Variants in AREG observed in about 807,000 individuals in gnomAD.
The protein encoded by AREG is amphiregulin B.
A neutral mutation model predicts 28.0 loss-of-function variants in AREG; 16 were observed. The ratio of observed to expected loss-of-function variants is 0.57; its 90% CI spans 0.39 to 0.87. The LOEUF (loss-of-function observed/expected upper bound fraction) is 0.87. Ranked by LOEUF, AREG falls within the 40% of genes least tolerant of loss-of-function variation. The pLI, the probability that AREG is intolerant of heterozygous loss-of-function variation, is 0.00. For synonymous variants in AREG, 113 were observed against 113.5 expected (o/e 1.00, Z 0.02); for missense variants, 287 against 309.1 (o/e 0.93, Z 0.53).
chr4:74,449,622 C>T (rs1719347934), intron 3 of AREG, among the ~76,000 whole-genome samples: 1 of 152,102 alleles, frequency 6.6e-6, no homozygotes, highest in African/African-American at 2.4e-5. Flanking sequence ...ACAATGGTGA[C>T]AGCCTGTAGT....
In AREG at chr4:74,452,620, G is replaced by A. The variant is rs1719397728; in HGVS notation, c.742G>A (p.Val248Ile). Residue 248 changes from valine (V) to isoleucine (I), a missense_variant, in exon 5 of 6, where the codon GTA (valine) becomes ATA (isoleucine). Val to Ile is a conservative substitution (Grantham distance 29). Transcript: ENST00000395748. ...RKKLRQENGN[V>I]HAIA The stretch of plus-strand genomic sequence containing the variant: ...GAAACTTCGACAAGAGAATGGAAAT[G>A]TACATGCTATAGCATAACTGAAGAT... 2 of 1,613,476 alleles carry A rather than the reference G, an allele frequency of 1.2e-6. No individual in the cohort carries two copies. Among genetic ancestry groups the A allele is most frequent in the South Asian group, 1.1e-5 (1 of 91,056 alleles).
rs750666473 is a variant in AREG at position 74,445,352 on chromosome 4, G to A, written c.7G>A (p.Ala3Thr). 21 of 1,610,448 alleles carry A rather than the reference G, an allele frequency of 1.3e-5. No homozygotes were observed. Among genetic ancestry groups the A allele is most frequent in the Non-Finnish European group, 1.7e-5 (20 of 1,179,422 alleles). Residue 3 changes from alanine (A) to threonine (T), a missense_variant, in exon 1 of 6, where the codon GCC becomes ACC. Transcript: ENST00000395748. The stretch of plus-strand genomic sequence containing the variant: ...CCGCCGCTGCGAAGGACCAATGAGA[G>A]CCCCGCTGCTACCGCCGGCGCCGGT... Reference protein sequence around the residue: MRAPLLPPAPVVL... With the variant: MRTPLLPPAPVVL...
Position 74,449,160 on chromosome 4 carries a change from A to C in AREG, c.424A>C (p.Lys142Gln). The C allele has an allele frequency of 6.2e-7, 1 of 1,613,134 alleles. No homozygotes were observed. The highest frequency in any genetic ancestry group is 8.5e-7 in the Non-Finnish European group (1 of 1,179,750). Residue 142 changes from lysine (K) to glutamine (Q), a missense_variant, in exon 3 of 6, where the codon AAG becomes CAG. Transcript: ENST00000395748. ...TGGAAAAAATAGAAGAAACAGAAAG[A>C]AGAAAAATCCATGTAATGCAGAATT... is the stretch of plus-strand genomic sequence containing the variant. Reference protein sequence around the residue: ...KNGKNRRNRKKKNPCNAEFQN... With the variant: ...KNGKNRRNRKQKNPCNAEFQN...
At chr4:74,445,508 C>T (rs1201848925) in intron 1 of AREG, 102 bp downstream of exon 1, 1 of 1,539,770 alleles carries the variant, frequency 6.5e-7, no homozygotes, top group Non-Finnish European at 8.8e-7. Context: ...TTTAGTTCCC[C>T]CGACCCTGCG....
rs747434597 is a variant in AREG at position 74,446,581 on chromosome 4, C to T, written c.109C>T (p.Arg37Cys). Reference sequence around the variant, plus strand: ...CCTCAATGACACCTACTCTGGGAAGCGTGAACCATTTTCTGGGGACCACAG... The same window carrying T: ...CCTCAATGACACCTACTCTGGGAAGTGTGAACCATTTTCTGGGGACCACAG... ...LDLNDTYSGKREPFSGDHSAD... is the reference protein window; with the variant it reads ...LDLNDTYSGKCEPFSGDHSAD... The change falls in exon 2 of 6, where the codon CGT (arginine) becomes TGT (cysteine). Residue 37 changes from arginine to cysteine, a missense_variant. Arg to Cys is a radical substitution (Grantham distance 180). Coordinates refer to ENST00000395748, the MANE Select transcript of AREG (RefSeq NM_001657.4). The T allele has an allele frequency of 1.9e-6, 3 of 1,613,954 alleles. No individual in the cohort carries two copies. Among genetic ancestry groups the T allele is most frequent in the South Asian group, 2.2e-5 (2 of 91,074 alleles).
chr4:74,449,286 A>G, intron 3 of AREG, 38 bp downstream of exon 3: 1 of 1,613,186 alleles, frequency 6.2e-7, no homozygotes. Flanking sequence ...TTGTATTTCT[A>G]GCACCATGTC....
At position 74,449,122 on chromosome 4, in the gene AREG, A is replaced by G. The variant is rs774296008; in HGVS notation, c.386A>G (p.Lys129Arg). 1 of 1,612,546 alleles carries G rather than the reference A, an allele frequency of 6.2e-7. No individual in the cohort carries two copies. Among genetic ancestry groups the G allele is most frequent in the East Asian group, 2.2e-5 (1 of 44,792 alleles). ...TCAGATAAACCCAAAAGAAAGAAAA[A>G]GGGAGGCAAAAATGGAAAAAATAGA... The part of the protein sequence containing the change: ...NTSDKPKRKK[K>R]GGKNGKNRRN... Residue 129 changes from lysine (K) to arginine (R), a missense_variant, in exon 3 of 6, where the codon AAG (lysine) becomes AGG (arginine). By Grantham distance (26) the Lys-to-Arg change is conservative (BLOSUM62 2). Coordinates refer to ENST00000395748, the MANE Select transcript of AREG (RefSeq NM_001657.4).
At position 74,449,242 on chromosome 4, in the gene AREG, C is replaced by T; in HGVS notation, c.506C>T (p.Thr169Ile). The T allele has an allele frequency of 1.2e-6, 2 of 1,613,520 alleles. No homozygotes were observed. Among genetic ancestry groups the T allele is most frequent in the Admixed American group, 3.3e-5 (2 of 59,948 alleles). The change falls in exon 3 of 6, where the codon ACA becomes ATA. Residue 169 changes from threonine to isoleucine, a missense_variant. Transcript: ENST00000395748. The stretch of plus-strand genomic sequence containing the variant: ...TATATAGAGCACCTGGAAGCAGTAA[C>T]ATGCAAGTAAGTTTTCCTAAAGCAT... ...CKYIEHLEAV[T>I]CKCQQEYFGE... is the part of the protein sequence containing the mutation.
At chr4:74,445,507 C>G (rs1265413581) in intron 1 of AREG, 101 bp downstream of exon 1, 2 of 1,539,926 alleles carry the variant, frequency 1.3e-6, no homozygotes, top group African/African-American at 1.4e-5. Flanking sequence ...CTTTAGTTCC[C>G]CCGACCCTGC....
At position 74,446,799 on chromosome 4, in the gene AREG, G is replaced by A. The variant is rs779730353; in HGVS notation, c.310+17G>A. 3.7e-6 allele frequency: 6 copies of A among 1,613,822 alleles called. No homozygotes were observed. In the Admixed American group the frequency reaches 5.0e-5, roughly 13 times the overall value. On this transcript the variant is annotated intron_variant, in intron 2 of 5. Coordinates refer to ENST00000395748, the MANE Select transcript of AREG (RefSeq NM_001657.4). Reference sequence around the variant, plus strand: ...CAGTCAGAGGTGAGTAGGGGATAAAGCAAAAATATGGCCTGTGAGATGTGG... The same window carrying A: ...CAGTCAGAGGTGAGTAGGGGATAAAACAAAAATATGGCCTGTGAGATGTGG...
Position 74,445,394 on chromosome 4 carries a change from A to C in AREG, c.49A>C (p.Ile17Leu). Residue 17 changes from isoleucine to leucine, a missense_variant, in exon 1 of 6, where the codon ATA (isoleucine) becomes CTA (leucine). Coordinates refer to ENST00000395748, the MANE Select transcript of AREG (RefSeq NM_001657.4). ...GGCGCCGGTGGTGCTGTCGCTCTTGATACTCGGCTCAGGTGAGGATTCACC... is the reference window on the plus strand; with the variant it reads ...GGCGCCGGTGGTGCTGTCGCTCTTGCTACTCGGCTCAGGTGAGGATTCACC... ...PPAPVVLSLL[I>L]LGSGHYAAGL... 6.2e-7 allele frequency: 1 copy of C among 1,610,252 alleles called. No individual in the cohort carries two copies. The highest frequency in any genetic ancestry group is 1.1e-5 in the South Asian group (1 of 89,982).
chr4:74,448,490 A>G (rs1719327421), intron 2 of AREG: 1 of 152,636 alleles, frequency 6.6e-6, no homozygotes, highest in Non-Finnish European at 1.5e-5. Flanking sequence ...CTAAATATTC[A>G]CTTGGATAAA....
chr4:74,448,983 C>G (rs1371723207), intron 2 of AREG, 64 bp from the exon 3 acceptor site: 28 of 1,595,816 alleles, frequency 1.8e-5, no homozygotes, highest in Non-Finnish European at 2.4e-5. Flanking sequence ...ACATCTTTCT[C>G]TCATGTCTCT....
intron 4 of AREG, among the ~76,000 whole-genome samples, chr4:74,451,932 G>A (rs1433426194): frequency 6.6e-6 from 1 of 151,866 alleles, no homozygotes; most frequent in Non-Finnish European, 1.5e-5. Context: ...TCATAATTGA[G>A]GTGAGTTTTT....
chr4:74,445,554 A>C, intron 1 of AREG, 148 bp downstream of exon 1: 1 of 1,458,574 alleles, frequency 6.9e-7, no homozygotes, highest in South Asian at 1.4e-5. Flanking sequence ...CCTCCCTAGG[A>C]GGAAAAGAGA....
At chr4:74,451,754 T>G (rs900796385) in intron 4 of AREG, among the ~76,000 whole-genome samples, 1 of 143,594 alleles carries the variant, frequency 7.0e-6, no homozygotes, top group East Asian at 2.0e-4. Flanking sequence ...CTTGTAATTA[T>G]TTGACTTGAA....
intron 2 of AREG, among the ~76,000 whole-genome samples, chr4:74,448,382 C>T (rs1180208675): frequency 1.3e-5 from 2 of 152,024 alleles, no homozygotes; most frequent in African/African-American, 2.4e-5. Flanking sequence ...TCTTTGATAC[C>T]CTAGTTGACC....
chr4:74,446,310 G>A (rs1719285777), intron 1 of AREG, among the ~76,000 whole-genome samples: 1 of 152,160 alleles, frequency 6.6e-6, no homozygotes, highest in African/African-American at 2.4e-5. Flanking sequence ...GATTATCTGT[G>A]GAAAAGAAAA....
In AREG at chr4:74,446,642, T is replaced by A. The variant is rs1719293195; in HGVS notation, c.170T>A (p.Met57Lys). Residue 57 changes from methionine (M) to lysine (K), a missense_variant, in exon 2 of 6, where the codon ATG becomes AAG. Transcript: ENST00000395748. ...TTTGAGGTTACCTCAAGAAGTGAGA[T>A]GTCTTCAGGGAGTGAGATTTCCCCT... Reference protein sequence around the residue: ...DGFEVTSRSEMSSGSEISPVS... With the variant: ...DGFEVTSRSEKSSGSEISPVS... The A allele has an allele frequency of 6.2e-7, 1 of 1,613,856 alleles. No individual in the cohort carries two copies. Among genetic ancestry groups the A allele is most frequent in the Non-Finnish European group, 8.5e-7 (1 of 1,179,876 alleles).
Sources: gnomAD v4.1 joint callset for allele counts (sites outside exome capture counted in the v4.1 genomes callset) on GRCh38, gnomAD v4.1.1 for gene constraint, MANE v1.5 for transcripts, NCBI Gene and HGNC (gene_info 2026-07-23, HGNC 2026-07-21) for gene names.